The following NEU3 variants were observed in gnomAD, a reference collection of about 807,000 sequenced individuals.
NEU3 encodes sialidase-3.
A neutral mutation model predicts 11.4 loss-of-function variants in NEU3; 10 were observed. That is an observed-to-expected ratio of 0.88 (90% CI 0.54 to 1.49). The LOEUF (loss-of-function observed/expected upper bound fraction) is 1.49. Among genes scored for constraint, NEU3 ranks in the 40% most tolerant of loss-of-function variants. The pLI is 0.00. For synonymous variants in NEU3, 212 were observed against 228.2 expected (o/e 0.93, Z 0.64); for missense variants, 529 against 581.8 (o/e 0.91, Z 0.93).
chr11:74,984,825 G>A (rs905291012), upstream of NEU3, among the ~76,000 whole-genome samples: 11 of 152,160 alleles, frequency 7.2e-5, no homozygotes, highest in Non-Finnish European at 1.6e-4. Flanking sequence ...AAGTGCTATG[G>A]GGGCTTGAAA....
At chr11:75,015,872 T>C (rs1328150480), downstream of NEU3, among the ~76,000 whole-genome samples, 7 of 152,230 alleles carry the variant, frequency 4.6e-5, no homozygotes, top group African/African-American at 1.4e-4. Flanking sequence ...GAATTCCTAC[T>C]GATATTCTTT....
chr11:74,997,628 G>A (rs1222724493), intron 2 of NEU3, among the ~76,000 whole-genome samples: 7 of 148,368 alleles, frequency 4.7e-5, no homozygotes. Context: ...GGCGGATCAC[G>A]AGGTCAGGAG....
chr11:74,998,354 C>G (rs1373961851), intron 2 of NEU3, among the ~76,000 whole-genome samples: 1 of 152,130 alleles, frequency 6.6e-6, no homozygotes, highest in Non-Finnish European at 1.5e-5. Flanking sequence ...TGCCACAAAC[C>G]TTCAGTTTTG....
At position 75,005,715 on chromosome 11, in the gene NEU3, G is replaced by T; in HGVS notation, c.609G>T (p.Gln203His). The T allele has an allele frequency of 6.2e-7, 1 of 1,614,014 alleles. No individual in the cohort carries two copies. Among genetic ancestry groups the T allele is most frequent in the Non-Finnish European group, 8.5e-7 (1 of 1,179,876 alleles). The change falls in exon 3 of 3, where the codon CAG (glutamine) becomes CAT (histidine). Residue 203 changes from glutamine (Q) to histidine (H), a missense_variant. By Grantham distance (24) the Gln-to-His change is conservative (BLOSUM62 0). Coordinates refer to ENST00000294064, the MANE Select transcript of NEU3 (RefSeq NM_006656.6). ...AVGPGHGIQL[Q>H]SGRLVIPAYT... ...GCCCAGGTCATGGCATCCAGCTGCAGTCAGGGAGACTGGTCATCCCTGCGT... is the reference window on the plus strand; with the variant it reads ...GCCCAGGTCATGGCATCCAGCTGCATTCAGGGAGACTGGTCATCCCTGCGT...
intron 1 of NEU3, chr11:74,990,246 AG>A: frequency 2.1e-6 from 1 of 465,746 alleles, no homozygotes. Flanking sequence ...CAAGACCTAG[AG>A]GTTGAGTAAC....
At chr11:74,995,057 C>T (rs1408165256) in intron 2 of NEU3, 2 of 559,658 alleles carry the variant, frequency 3.6e-6, no homozygotes, top group African/African-American at 1.9e-5. Flanking sequence ...CTCCAGAGAC[C>T]TCCACAGTTA....
chr11:75,000,150 A>G (rs923337152), intron 2 of NEU3, among the ~76,000 whole-genome samples: 2 of 152,208 alleles, frequency 1.3e-5, no homozygotes, highest in African/African-American at 4.8e-5. Context: ...GTAGCTACAT[A>G]GCACAATTGA....
At chr11:75,005,388 T>C (rs1948886160) in intron 2 of NEU3, 25 bp from the exon 3 acceptor site, 1 of 1,551,002 alleles carries the variant, frequency 6.4e-7, no homozygotes, top group Non-Finnish European at 8.7e-7. Flanking sequence ...ATCTCACTCC[T>C]ACTTTCTCCC....
chr11:74,988,779 C>A (rs540167708), upstream of NEU3: 2 of 479,974 alleles, frequency 4.2e-6, no homozygotes, highest in African/African-American at 2.1e-5. Context: ...GCCGGTCCCA[C>A]GCCGTGGTGG....
chr11:74,989,073 G>C lies in NEU3; in HGVS notation c.13G>C (p.Asp5His). 6.4e-7 allele frequency: 1 copy of C among 1,550,672 alleles called. No individual in the cohort carries two copies. Among genetic ancestry groups the C allele is most frequent in the Non-Finnish European group, 8.7e-7 (1 of 1,146,918 alleles). The change falls in exon 1 of 3, where the codon GAC becomes CAC. Residue 5 changes from aspartate (D) to histidine (H), a missense_variant. By Grantham distance (81) the Asp-to-His change is moderately conservative. Coordinates refer to ENST00000294064, the MANE Select transcript of NEU3 (RefSeq NM_006656.6). MRPA[D>H]LPPRPMEESP... ...CGGGCTTCGGCGAATGAGACCTGCGGACCTGCCCCCGCGCCCCATGGAAGA... is the reference window on the plus strand; with the variant it reads ...CGGGCTTCGGCGAATGAGACCTGCGCACCTGCCCCCGCGCCCCATGGAAGA...
At chr11:74,998,513 A>G (rs1192567538) in intron 2 of NEU3, among the ~76,000 whole-genome samples, 1 of 152,198 alleles carries the variant, frequency 6.6e-6, no homozygotes, top group Non-Finnish European at 1.5e-5. Flanking sequence ...AAAAATATAT[A>G]GTTGTGTCAT....
At chr11:74,983,553 G>A (rs1948651306), upstream of NEU3, among the ~76,000 whole-genome samples, 1 of 152,212 alleles carries the variant, frequency 6.6e-6, no homozygotes, top group African/African-American at 2.4e-5. Flanking sequence ...GGAAACAACA[G>A]CGGCCAGAGG....
Position 75,005,468 on chromosome 11 carries a change from A to G in NEU3, c.362A>G (p.Asn121Ser), listed in dbSNP as rs1323392416. The G allele has an allele frequency of 6.2e-7, 1 of 1,613,672 alleles. No homozygotes were observed. The highest frequency in any genetic ancestry group is 1.7e-5 in the Admixed American group (1 of 59,988). ...EATLPGHRTM[N>S]PCPVWEQKSG... ...ACACTACCGGGGCATCGGACCATGA[A>G]CCCCTGTCCTGTATGGGAGCAGAAG... is the stretch of plus-strand genomic sequence containing the variant. Residue 121 changes from asparagine (N) to serine (S), a missense_variant, in exon 3 of 3, where the codon AAC becomes AGC. Physicochemically the swap from Asn to Ser is conservative, Grantham distance 46. Coordinates refer to ENST00000294064, the MANE Select transcript of NEU3 (RefSeq NM_006656.6).
chr11:74,999,880 G>A (rs1273371426), intron 2 of NEU3, among the ~76,000 whole-genome samples: 1 of 152,170 alleles, frequency 6.6e-6, no homozygotes, highest in Non-Finnish European at 1.5e-5. Context: ...TGCCCTCTGA[G>A]TAGTCTGTTT....
At chr11:74,995,970 A>G (rs908840031) in intron 2 of NEU3, among the ~76,000 whole-genome samples, 15 of 152,098 alleles carry the variant, frequency 9.9e-5, no homozygotes, top group Admixed American at 7.2e-4. Flanking sequence ...CCTGGGCAAC[A>G]TAGCAAGACC....
At chr11:75,017,443 A>G (rs1342911463) in intron 3 of NEU3, among the ~76,000 whole-genome samples, 2 of 152,194 alleles carry the variant, frequency 1.3e-5, no homozygotes, top group Non-Finnish European at 2.9e-5. Context: ...TATCTGGCCA[A>G]GGGGAAAATG....
chr11:75,016,872 T>C (rs1948983273), intron 3 of NEU3, among the ~76,000 whole-genome samples: 1 of 152,234 alleles, frequency 6.6e-6, no homozygotes, highest in Non-Finnish European at 1.5e-5. Flanking sequence ...AGGTTCATAA[T>C]GTGTTCTTTG....
At chr11:75,014,720 C>A (rs1259781138), downstream of NEU3, among the ~76,000 whole-genome samples, 1 of 151,844 alleles carries the variant, frequency 6.6e-6, no homozygotes, top group African/African-American at 2.4e-5. Context: ...CAAAAATTAG[C>A]CAGGTGTAGG....
rs1948924017 is a variant in NEU3, at chr11:75,008,613, G to GGA, written c.*2122_*2123insAG. ...TCTGTCGCCCAGGCTGGAGTACAGT[G>GGA]GCACAATCTCAGCTCACTGCAGTCT... is the stretch of plus-strand genomic sequence containing the variant. On this transcript the variant is annotated 3_prime_UTR_variant, in exon 3 of 3. Transcript: ENST00000294064. 6.6e-6 allele frequency: 1 copy of GGA among 151,280 alleles called. No homozygotes were observed. Among genetic ancestry groups the GGA allele is most frequent in the Non-Finnish European group, 1.5e-5 (1 of 67,920 alleles). 9.4% of individuals were successfully genotyped at this position (151,280 alleles called of 1,614,324 possible).
Sources: gnomAD v4.1 joint callset for allele counts (sites outside exome capture counted in the v4.1 genomes callset) on GRCh38, gnomAD v4.1.1 for gene constraint, MANE v1.5 for transcripts, NCBI Gene and HGNC (gene_info 2026-07-23, HGNC 2026-07-21) for gene names.